RRP1B: variants seen among roughly 807,000 people sequenced by gnomAD.
RRP1B encodes the protein ribosomal RNA processing protein 1 homolog B.
Under a neutral mutation model 80.2 loss-of-function variants are expected in RRP1B, and 56 were observed. That is an observed-to-expected ratio of 0.70 (90% CI 0.56 to 0.87). The LOEUF is 0.87. Among genes scored for constraint, RRP1B ranks in the 40% least tolerant of loss-of-function variants. The pLI, the probability that RRP1B is intolerant of heterozygous loss-of-function variation, is 0.00. For synonymous variants in RRP1B, 351 were observed against 357.6 expected (o/e 0.98, Z 0.21); for missense variants, 807 against 939.8 (o/e 0.86, Z 1.85).
At chr21:43,668,513 G>A (rs947684300) in intron 1 of RRP1B, among the ~76,000 whole-genome samples, 46 of 151,680 alleles carry the variant, frequency 3.0e-4, no homozygotes, top group African/African-American at 1.0e-3. Flanking sequence ...GACTATAGGC[G>A]CCCGCCACCA....
chr21:43,681,051 C>G (rs1291546626), intron 8 of RRP1B, among the ~76,000 whole-genome samples: 5 of 152,178 alleles, frequency 3.3e-5, no homozygotes, highest in African/African-American at 1.2e-4. Flanking sequence ...ACCAGCCTGG[C>G]CAACATGGTG....
rs2083093643 is a variant in RRP1B at position 43,693,115 on chromosome 21, A to G, written c.2084-75A>G. The stretch of plus-strand genomic sequence containing the variant: ...AAGTGGGTGGGGTCGGCACCCAGGC[A>G]GGACGCTGTCTAAGGTGTTGAAGGG... On this transcript the variant is annotated intron_variant, in intron 15 of 15. Coordinates refer to ENST00000340648, the MANE Select transcript of RRP1B (RefSeq NM_015056.3). The surrounding 1 kb of genome is among the most constrained non-coding windows in gnomAD (Gnocchi z 4.1). 1.6e-5 allele frequency: 24 copies of G among 1,508,804 alleles called. No homozygotes were observed. The highest frequency in any genetic ancestry group is 2.1e-5 in the Non-Finnish European group (23 of 1,097,242). 93.5% of individuals were successfully genotyped at this position (1,508,804 alleles called of 1,614,324 possible).
In RRP1B at chr21:43,679,244, T is replaced by A. The variant is rs545912676; in HGVS notation, c.796+2330T>A. 3.4e-5 allele frequency among the ~76,000 whole-genome samples: 5 copies of A among 146,624 alleles called. No homozygotes were observed. In the East Asian group the frequency reaches 9.8e-4, roughly 29 times the overall value. On this transcript the variant is annotated intron_variant, in intron 8 of 15. Transcript: ENST00000340648. ...TTTTTGTGTGTCTTTTTTTTTTTGG[T>A]GTTTTGGTGTTTTGGGTTTTTTTTG... is the stretch of plus-strand genomic sequence containing the variant.
rs1361472727 is a variant in RRP1B at position 43,659,787 on chromosome 21, G to GGA, written c.126_127dup (p.Thr43ArgfsTer11). 6.6e-7 allele frequency: 1 copy of GGA among 1,506,384 alleles called. No individual in the cohort carries two copies. The highest frequency in any genetic ancestry group is 8.9e-7 in the Non-Finnish European group (1 of 1,122,958). The allele number at this position is 1,506,384 out of a possible 1,614,324, so 93.3% of individuals were successfully genotyped here. ...AGTACATCAGCGTGAAGACGCAGAG[G>GGA]GAGACAGGTGGGCGCACGGCCGCGG... is the stretch of plus-strand genomic sequence containing the variant. On this transcript the variant is annotated frameshift_variant, in exon 1 of 16. Transcript: ENST00000340648. LOFTEE classifies it high-confidence loss of function. The surrounding 1 kb of genome is among the most constrained non-coding windows in gnomAD (Gnocchi z 4.2).
intron 1 of RRP1B, among the ~76,000 whole-genome samples, chr21:43,668,233 G>A (rs2082986136): frequency 6.6e-6 from 1 of 150,782 alleles, no homozygotes; most frequent in South Asian, 2.1e-4. Flanking sequence ...GAATCAAAAT[G>A]TACCATTATA....
chr21:43,685,404 T>C (rs1447898068), intron 10 of RRP1B, among the ~76,000 whole-genome samples: 1 of 152,264 alleles, frequency 6.6e-6, no homozygotes, highest in Non-Finnish European at 1.5e-5. Context: ...GGCTTCGCCT[T>C]TCTCCACTGG....
In RRP1B at chr21:43,680,558, C is replaced by T. The variant is rs567957655; in HGVS notation, c.797-2721C>T. On this transcript the variant is annotated intron_variant, in intron 8 of 15. Coordinates refer to ENST00000340648, the MANE Select transcript of RRP1B (RefSeq NM_015056.3). ...CAGCCTGGGCGACAGAGGGAGACGC[C>T]ATCTCAAAAAAAAAAAAAGAGAGAC... 1.1e-4 allele frequency among the ~76,000 whole-genome samples: 16 copies of T among 149,862 alleles called. No individual in the cohort carries two copies. The South Asian group carries it at 3.4e-3, about 32-fold the overall frequency.
chr21:43,683,972 CAAAAA>C lies in RRP1B; in HGVS notation c.892-567_892-563del, dbSNP rs60372004. 5.6e-5 allele frequency among the ~76,000 whole-genome samples: 5 copies of C among 88,976 alleles called. 1 individual carries two copies. The East Asian group carries it at 1.3e-3, about 22-fold the overall frequency. 58.4% of individuals were successfully genotyped at this position (88,976 alleles called of 152,430 possible). On this transcript the variant is annotated intron_variant, in intron 9 of 15. Coordinates refer to ENST00000340648, the MANE Select transcript of RRP1B (RefSeq NM_015056.3). Reference sequence around the variant, plus strand: ...CCAGCCTGGGTGACAGACTCTGGCTCAAAAAAAAAAAAAAAAAAGCACACCCAGGT... The same window carrying C: ...CCAGCCTGGGTGACAGACTCTGGCTCAAAAAAAAAAAAAGCACACCCAGGT...
intron 8 of RRP1B, among the ~76,000 whole-genome samples, chr21:43,681,397 C>T (rs1265283241): frequency 6.6e-6 from 1 of 150,430 alleles, no homozygotes; most frequent in Non-Finnish European, 1.5e-5. Flanking sequence ...CTCTTGTCGC[C>T]CAGGCTGGAG....
At chr21:43,692,923 A>G (rs1181457122) in intron 15 of RRP1B, among the ~76,000 whole-genome samples, 2 of 152,096 alleles carry the variant, frequency 1.3e-5, no homozygotes, top group Non-Finnish European at 2.9e-5. Context: ...TCACCCTTCC[A>G]GGAGCCACCC....
chr21:43,668,621 A>G (rs1417159223), intron 1 of RRP1B, among the ~76,000 whole-genome samples: 1 of 152,038 alleles, frequency 6.6e-6, no homozygotes, highest in Non-Finnish European at 1.5e-5. Context: ...CGCCCACCTC[A>G]GCCTCCCAAA....
chr21:43,674,590 T>C, intron 4 of RRP1B, 46 bp from the exon 5 acceptor site: 1 of 1,139,982 alleles, frequency 8.8e-7, no homozygotes. Context: ...CCTTTCCTTT[T>C]TTTTTTTTTT....
In RRP1B at chr21:43,687,608, GA is replaced by G; in HGVS notation, c.1238del (p.Asn413IlefsTer24). 6.6e-7 allele frequency: 1 copy of G among 1,522,500 alleles called. No individual in the cohort carries two copies. The highest frequency in any genetic ancestry group is 8.8e-7 in the Non-Finnish European group (1 of 1,140,120). The allele number at this position is 1,522,500 out of a possible 1,614,324, so 94.3% of individuals were successfully genotyped here. ...KKKKKHHLQPENPGPGGAAPS... is the reference protein window; with the variant it reads ...KKKKKHHLQPXNPGPGGAAPS... ...GAAGAAGAAGCACCACCTGCAGCCT[GA>G]AAATCCAGGCCCAGGGGGTGCAGCC... is the stretch of plus-strand genomic sequence containing the variant. On this transcript the variant is annotated frameshift_variant, in exon 13 of 16. Coordinates refer to ENST00000340648, the MANE Select transcript of RRP1B (RefSeq NM_015056.3). LOFTEE classifies it high-confidence loss of function.
chr21:43,678,570 A>G (rs1273841214), intron 8 of RRP1B, among the ~76,000 whole-genome samples: 1 of 152,070 alleles, frequency 6.6e-6, no homozygotes, highest in Non-Finnish European at 1.5e-5. Flanking sequence ...GACCATTTGT[A>G]TATCTTCTTT....
At chr21:43,664,260 C>T (rs1250886754) in intron 1 of RRP1B, among the ~76,000 whole-genome samples, 6 of 149,748 alleles carry the variant, frequency 4.0e-5, no homozygotes, top group African/African-American at 9.9e-5. Flanking sequence ...CACCTGAACC[C>T]GGGAGGCAGT....
chr21:43,675,569 G>T (rs1313919787), intron 6 of RRP1B, among the ~76,000 whole-genome samples: 1 of 152,246 alleles, frequency 6.6e-6, no homozygotes, highest in Non-Finnish European at 1.5e-5. Flanking sequence ...CTGAATGTGG[G>T]AATGTGCACA....
At position 43,672,124 on chromosome 21, in the gene RRP1B, G is replaced by A. The variant is rs143971577; in HGVS notation, c.214-184G>A. 1.1e-3 allele frequency among the ~76,000 whole-genome samples: 173 copies of A among 152,272 alleles called. 1 individual carries two copies. The highest frequency in any genetic ancestry group is 5.5e-3 in the Admixed American group (84 of 15,290). On this transcript the variant is annotated intron_variant, in intron 2 of 15. Transcript: ENST00000340648. The stretch of plus-strand genomic sequence containing the variant: ...ACATACCAAGTTAGCATAATAGTCC[G>A]TCAATATTGGAACTTACACATTTGA...
At position 43,693,662 on chromosome 21, in the gene RRP1B, AC is replaced by A. The variant is rs1238772666; in HGVS notation, c.*282del. 2.8e-6 allele frequency: 1 copy of A among 352,476 alleles called. No homozygotes were observed. The highest frequency in any genetic ancestry group is 5.1e-6 in the Non-Finnish European group (1 of 197,892). The allele number at this position is 352,476 out of a possible 1,614,324, so 21.8% of individuals were successfully genotyped here. A position where few individuals can be genotyped will look rare whatever the true frequency, so the allele number is the denominator to read the frequency against. On this transcript the variant is annotated 3_prime_UTR_variant, in exon 16 of 16. Coordinates refer to ENST00000340648, the MANE Select transcript of RRP1B (RefSeq NM_015056.3). The surrounding 1 kb of genome is among the most constrained non-coding windows in gnomAD (Gnocchi z 4.1). ...GATTCCCATTGGTGTAGGAAATGAG[AC>A]CCTCTCTGAAGCTGAGGAGAGCACG...
At chr21:43,683,430 TAGAG>T in intron 9 of RRP1B, 57 bp downstream of exon 9, 1 of 1,373,242 alleles carries the variant, frequency 7.3e-7, no homozygotes, top group Non-Finnish European at 1.0e-6. Context: ...GTAGCCTGAC[TAGAG>T]AATTAGGGTC....
Sources: allele counts gnomAD v4.1 joint callset (sites outside exome capture counted in the v4.1 genomes callset), GRCh38; gene constraint gnomAD v4.1.1; non-coding constraint Gnocchi (gnomAD v3.1); transcripts MANE v1.5; gene names NCBI Gene and HGNC (gene_info 2026-07-23, HGNC 2026-07-21).